The following SEMA3E variants were observed in gnomAD, a reference collection of about 807,000 sequenced individuals.
The protein encoded by SEMA3E is semaphorin-3E.
In SEMA3E, 49 loss-of-function variants were observed where a neutral mutation model predicts 93.6. That is an observed-to-expected ratio of 0.52 (90% confidence interval 0.42 to 0.66). SEMA3E has a LOEUF of 0.66. SEMA3E is among the 30% of genes least tolerant of loss of function. The pLI is 0.00. For synonymous variants in SEMA3E, 363 were observed against 330.7 expected, an observed-to-expected ratio of 1.10 and a Z score of -1.06; for missense variants, 906 against 964.8, an observed-to-expected ratio of 0.94 and a Z score of 0.81.
chr7:83,531,390 A>G (rs898320965), intron 1 of SEMA3E, among the ~76,000 whole-genome samples: 1 of 122,796 alleles, frequency 8.1e-6, no homozygotes, highest in African/African-American at 3.2e-5. Context: ...TCTGTCACCC[A>G]GGCTGGAGTG....
intron 4 of SEMA3E, among the ~76,000 whole-genome samples, chr7:83,423,964 G>A (rs1368304893): frequency 6.6e-6 from 1 of 152,028 alleles, no homozygotes; most frequent in Non-Finnish European, 1.5e-5. Context: ...AAAATAAAAT[G>A]TATGTTTTTT....
intron 1 of SEMA3E, among the ~76,000 whole-genome samples, chr7:83,493,024 T>C (rs1229723210): frequency 6.6e-6 from 1 of 152,012 alleles, no homozygotes; most frequent in East Asian, 1.9e-4. Flanking sequence ...GAACAACCTC[T>C]TAACCTCTTT....
At chr7:83,418,880 G>T (rs1257001081) in intron 4 of SEMA3E, among the ~76,000 whole-genome samples, 2 of 103,754 alleles carry the variant, frequency 1.9e-5, no homozygotes, top group African/African-American at 5.4e-5. Flanking sequence ...GAATGCTGTT[G>T]TTGATTTTTT....
At chr7:83,399,402 A>G (rs1358678590) in intron 11 of SEMA3E, among the ~76,000 whole-genome samples, 1 of 152,202 alleles carries the variant, frequency 6.6e-6, no homozygotes, top group Non-Finnish European at 1.5e-5. Flanking sequence ...AATGCAGGAT[A>G]TTATTGGTAA....
Position 83,528,334 on chromosome 7 carries a change from T to C in SEMA3E, c.116-38060A>G, listed in dbSNP as rs533798296. On this transcript the variant is annotated intron_variant, in intron 1 of 16. Coordinates refer to ENST00000643230, the MANE Select transcript of SEMA3E (RefSeq NM_012431.3). The stretch of plus-strand genomic sequence containing the variant: ...GCAACCGATATTTTCATCTATTTCT[T>C]TGAAGTTAGAATAGAAATACAATAT... Among the ~76,000 whole-genome samples the C allele has an allele frequency of 6.6e-5, 10 of 152,252 alleles. No homozygotes were observed. The South Asian group carries it at 2.1e-3, about 32-fold the overall frequency.
intron 4 of SEMA3E, among the ~76,000 whole-genome samples, chr7:83,436,368 T>A (rs2115766526): frequency 6.6e-6 from 1 of 151,398 alleles, no homozygotes. Context: ...AGAATAAGAA[T>A]CAAGATTTTT....
At chr7:83,396,552 A>G in intron 12 of SEMA3E, 86 bp downstream of exon 12, 1 of 817,986 alleles carries the variant, frequency 1.2e-6, no homozygotes, top group South Asian at 1.4e-5. Flanking sequence ...GTTAGGGAAA[A>G]AAAAATGGAC....
chr7:83,604,294 C>A (rs1416610919), intron 1 of SEMA3E, among the ~76,000 whole-genome samples: 1 of 151,814 alleles, frequency 6.6e-6, no homozygotes, highest in African/African-American at 2.4e-5. Context: ...CATTTACATT[C>A]TATGTCTATG....
At chr7:83,540,837 T>A (rs1190464435) in intron 1 of SEMA3E, among the ~76,000 whole-genome samples, 1 of 152,182 alleles carries the variant, frequency 6.6e-6, no homozygotes, top group Non-Finnish European at 1.5e-5. Flanking sequence ...TTTAATGAGG[T>A]TATGAAATTA....
chr7:83,464,585 C>T (rs908235891), intron 4 of SEMA3E, among the ~76,000 whole-genome samples: 1 of 144,372 alleles, frequency 6.9e-6, no homozygotes, highest in Non-Finnish European at 1.5e-5. Flanking sequence ...TCCTTAGGCA[C>T]TCTCTAATCA....
rs138854901 is a variant in SEMA3E, at chr7:83,445,753, G to C, written c.456+20729C>G. On this transcript the variant is annotated intron_variant, in intron 4 of 16. Transcript: ENST00000643230. ...TAAATAAATAAATAAAAAGAGTATA[G>C]GTGGAATAAATTATCTGAGAAAGAA... 2.8e-3 allele frequency among the ~76,000 whole-genome samples: 420 copies of C among 152,008 alleles called. 2 individuals carry two copies. The highest frequency in any genetic ancestry group is 8.4e-3 in the African/African-American group (349 of 41,502).
chr7:83,563,485 A>G (rs1390070926), intron 1 of SEMA3E, among the ~76,000 whole-genome samples: 1 of 151,918 alleles, frequency 6.6e-6, no homozygotes, highest in Non-Finnish European at 1.5e-5. Flanking sequence ...TGGACCAGCA[A>G]CAGCAGCAGC....
At chr7:83,514,218 T>G (rs1329471307) in intron 1 of SEMA3E, among the ~76,000 whole-genome samples, 1 of 152,078 alleles carries the variant, frequency 6.6e-6, no homozygotes, top group Non-Finnish European at 1.5e-5. Flanking sequence ...GTTTAGCATA[T>G]CATCATGAAA....
intron 1 of SEMA3E, among the ~76,000 whole-genome samples, chr7:83,562,211 GA>G (rs1423496113): frequency 6.6e-6 from 1 of 152,088 alleles, no homozygotes; most frequent in Non-Finnish European, 1.5e-5. Flanking sequence ...ACTTTACCTT[GA>G]AGGATGATTT....
At chr7:83,388,548 G>A (rs2116921356) in intron 14 of SEMA3E, among the ~76,000 whole-genome samples, 1 of 151,850 alleles carries the variant, frequency 6.6e-6, no homozygotes, top group East Asian at 1.9e-4. Flanking sequence ...CTAATTCATG[G>A]CATTTCTTCA....
chr7:83,620,490 C>T (rs1793528537), intron 1 of SEMA3E, among the ~76,000 whole-genome samples: 1 of 152,036 alleles, frequency 6.6e-6, no homozygotes, highest in African/African-American at 2.4e-5. Context: ...TTTCCTAATT[C>T]ATTTTATGAA....
At chr7:83,597,763 C>T (rs1792908541) in intron 1 of SEMA3E, among the ~76,000 whole-genome samples, 1 of 152,126 alleles carries the variant, frequency 6.6e-6, no homozygotes, top group Admixed American at 6.6e-5. Flanking sequence ...TGTAGGCAGT[C>T]TGGAGCCAAG....
intron 1 of SEMA3E, among the ~76,000 whole-genome samples, chr7:83,608,082 T>A (rs1055510041): frequency 2.6e-5 from 4 of 151,922 alleles, no homozygotes; most frequent in Admixed American, 6.6e-5. Flanking sequence ...CATGGTGACA[T>A]GCACCTGTCA....
At chr7:83,472,831 C>T (rs1288324447) in intron 2 of SEMA3E, among the ~76,000 whole-genome samples, 1 of 152,100 alleles carries the variant, frequency 6.6e-6, no homozygotes, top group South Asian at 2.1e-4. Context: ...GCCGTTTCCC[C>T]CATGCTGTTC....
Sources: gnomAD v4.1 joint callset for allele counts (sites outside exome capture counted in the v4.1 genomes callset) on GRCh38, gnomAD v4.1.1 for gene constraint, MANE v1.5 for transcripts, NCBI Gene and HGNC (gene_info 2026-07-23, HGNC 2026-07-21) for gene names.